The following GGH variants were observed in gnomAD, a reference collection of about 807,000 sequenced individuals.
GGH encodes the protein gamma-Glu-X carboxypeptidase.
In GGH, 18 loss-of-function variants were observed where a neutral mutation model predicts 39.2. The observed-to-expected ratio is 0.46, with a 90% CI of 0.32 to 0.68. GGH has a LOEUF of 0.68. Among genes scored for constraint, GGH ranks in the 30% least tolerant of loss-of-function variants. GGH has a pLI of 0.04. For missense variants in GGH, 367 were observed against 384.1 expected, an observed-to-expected ratio of 0.96 and a Z score of 0.37; for synonymous variants, 147 against 138.8, an observed-to-expected ratio of 1.06 and a Z score of -0.42.
intron 7 of GGH, 166 bp from the exon 8 acceptor site, chr8:63,017,796 GT>G (rs573635477): frequency 2.6e-4 from 131 of 511,474 alleles, no homozygotes; most frequent in Non-Finnish European, 4.1e-4. Flanking sequence ...CATAATCAAT[GT>G]GAAAATTCCC....
At position 63,024,091 on chromosome 8, in the gene GGH, G is replaced by A. The variant is rs763389022; in HGVS notation, c.595C>T (p.Leu199Phe). 3.8e-6 allele frequency: 6 copies of A among 1,596,572 alleles called. No individual in the cohort carries two copies. In the East Asian group the frequency reaches 1.3e-4, roughly 36 times the overall value. Residue 199 changes from leucine (L) to phenylalanine (F), a missense_variant, in exon 6 of 9, where the codon CTC (leucine) becomes TTC (phenylalanine). By Grantham distance (22) the Leu-to-Phe change is conservative. Transcript: ENST00000260118. The stretch of plus-strand genomic sequence containing the variant: ...AATTAGTGTGATACCTTCACGGAGA[G>A]GCTCCACTTATGGAAATTGGCAGTC... ...PLTANFHKWS[L>F]SVKNFTMNEK... is the part of the protein sequence containing the mutation.
At chr8:63,021,364 T>C (rs1274748642) in intron 7 of GGH, among the ~76,000 whole-genome samples, 3 of 152,244 alleles carry the variant, frequency 2.0e-5, no homozygotes, top group Admixed American at 6.5e-5. Flanking sequence ...TTCATTAAGA[T>C]ATTTTTTAAC....
chr8:63,027,160 T>C (rs759306005), intron 4 of GGH, 21 bp downstream of exon 4: 18 of 1,086,932 alleles, frequency 1.7e-5, no homozygotes, highest in Non-Finnish European at 2.1e-5. Context: ...TCTGGAATAA[T>C]AAGCAATAAC....
chr8:63,016,804 C>T (rs1023149336), intron 8 of GGH, among the ~76,000 whole-genome samples: 4 of 152,166 alleles, frequency 2.6e-5, no homozygotes, highest in African/African-American at 9.7e-5. Flanking sequence ...CATAACACAG[C>T]ATGAATATGT....
intron 1 of GGH, among the ~76,000 whole-genome samples, chr8:63,037,861 G>A (rs67742771): frequency 0.22 from 33,579 of 152,026 alleles, 3,857 homozygotes; most frequent in South Asian, 0.27. Flanking sequence ...CTACCTATAT[G>A]AAAAAACATT....
At chr8:63,029,458 T>A (rs1023925930) in intron 3 of GGH, among the ~76,000 whole-genome samples, 1 of 152,182 alleles carries the variant, frequency 6.6e-6, no homozygotes, top group Non-Finnish European at 1.5e-5. Flanking sequence ...GGGGTGACTG[T>A]CAGACAATAC....
In GGH at chr8:63,027,237, G is replaced by C; in HGVS notation, c.304C>G (p.Leu102Val). 1 of 1,596,946 alleles carries C rather than the reference G, an allele frequency of 6.3e-7. No homozygotes were observed. The highest frequency in any genetic ancestry group is 8.6e-7 in the Non-Finnish European group (1 of 1,164,726). Residue 102 changes from leucine to valine, a missense_variant, in exon 4 of 9, where the codon CTC becomes GTC. Leu to Val is a conservative substitution (Grantham distance 32). Transcript: ENST00000260118. Reference protein sequence around the residue: ...GILFPGGSVDLRRSDYAKVAK... With the variant: ...GILFPGGSVDVRRSDYAKVAK... ...ACTTTAGCATAATCTGAGCGTCTGA[G>C]GTCAACACTTCCTCCAGGGAAAAGG...
In GGH at chr8:63,033,319, G is replaced by C. The variant is rs138717108; in HGVS notation, c.224+2337C>G. Among the ~76,000 whole-genome samples the C allele has an allele frequency of 2.6e-5, 4 of 152,270 alleles. No homozygotes were observed. The East Asian group carries it at 7.7e-4, about 29-fold the overall frequency. The stretch of plus-strand genomic sequence containing the variant: ...CAATTTTTTGGATGAGTTTGAGAAG[G>C]ACTGGTATCAATTCTGCTTTAGATG... On this transcript the variant is annotated intron_variant, in intron 2 of 8. Transcript: ENST00000260118.
intron 8 of GGH, 78 bp downstream of exon 8, chr8:63,017,415 G>T (rs1220733237): frequency 7.0e-6 from 6 of 863,060 alleles, no homozygotes; most frequent in Non-Finnish European, 7.4e-6. Flanking sequence ...TAGAGCAAAA[G>T]GGTAGGCAAA....
chr8:63,030,947 T>C (rs1012253207), intron 2 of GGH, among the ~76,000 whole-genome samples: 1 of 152,212 alleles, frequency 6.6e-6, no homozygotes, highest in African/African-American at 2.4e-5. Flanking sequence ...GTCACAGATA[T>C]CTGCTCTCCC....
chr8:63,035,817 T>G (rs1804898284), intron 1 of GGH, 47 bp from the exon 2 acceptor site: 2 of 1,504,220 alleles, frequency 1.3e-6, no homozygotes, highest in African/African-American at 2.8e-5. Flanking sequence ...CTTTTCTTCT[T>G]GCTCAGAAAC....
intron 3 of GGH, among the ~76,000 whole-genome samples, chr8:63,029,519 T>C (rs1439014956): frequency 2.0e-5 from 3 of 152,174 alleles, no homozygotes; most frequent in Non-Finnish European, 4.4e-5. Flanking sequence ...AAGGTGGGAA[T>C]ATATTTATAA....
At chr8:63,036,071 C>G (rs1804902957) in intron 1 of GGH, among the ~76,000 whole-genome samples, 1 of 152,128 alleles carries the variant, frequency 6.6e-6, no homozygotes, top group Non-Finnish European at 1.5e-5. Context: ...GAATATAGAT[C>G]CTTAAATTTA....
chr8:63,019,585 AAGGGCAC>A (rs1362352463), intron 7 of GGH, among the ~76,000 whole-genome samples: 1 of 150,184 alleles, frequency 6.7e-6, no homozygotes, highest in Non-Finnish European at 1.5e-5. Context: ...TGAACTGGTC[AAGGGCAC>A]AGGTCATAAT....
chr8:63,038,616 C>G (rs1455847243), intron 1 of GGH, 44 bp downstream of exon 1: 6 of 1,101,978 alleles, frequency 5.4e-6, no homozygotes, highest in African/African-American at 1.6e-5. Flanking sequence ...AGCGCCAACA[C>G]CCAGCTCCTC....
intron 8 of GGH, chr8:63,017,188 CA>C (rs1352347361): frequency 1.2e-5 from 3 of 249,126 alleles, no homozygotes; most frequent in African/African-American, 7.0e-5. Flanking sequence ...AAGATCCTGT[CA>C]AAAAACAAAT....
Position 63,015,439 on chromosome 8 carries a change from G to A in GGH, c.850C>T (p.His284Tyr). ...TCTTCAGATTCAGATTTAAAATGATGGTTGTTTTTCCGAGCTGCAAGAAAA... is the reference window on the plus strand; with the variant it reads ...TCTTCAGATTCAGATTTAAAATGATAGTTGTTTTTCCGAGCTGCAAGAAAA... ...FFVNEARKNN[H>Y]HFKSESEEEK... Residue 284 changes from histidine (H) to tyrosine (Y), a missense_variant, in exon 9 of 9, where the codon CAT (histidine) becomes TAT (tyrosine). His to Tyr is a moderately conservative substitution (Grantham distance 83, BLOSUM62 2). Coordinates refer to ENST00000260118, the MANE Select transcript of GGH (RefSeq NM_003878.3). The A allele has an allele frequency of 6.5e-7, 1 of 1,541,304 alleles. No homozygotes were observed. Among genetic ancestry groups the A allele is most frequent in the African/African-American group, 1.4e-5 (1 of 72,674 alleles).
At position 63,035,788 on chromosome 8, in the gene GGH, T is replaced by G; in HGVS notation, c.110-18A>C. On this transcript the variant is annotated intron_variant, in intron 1 of 8. Coordinates refer to ENST00000260118, the MANE Select transcript of GGH (RefSeq NM_003878.3). ...TAATATTCCTAATAACAAAAAAAAG[T>G]TTAGTTTCAAGCAAATTCCTTTTCT... is the stretch of plus-strand genomic sequence containing the variant. The G allele has an allele frequency of 1.3e-6, 2 of 1,591,498 alleles. No homozygotes were observed. The highest frequency in any genetic ancestry group is 1.4e-5 in the African/African-American group (1 of 73,750).
At chr8:63,025,984 G>C (rs1804676937) in intron 5 of GGH, among the ~76,000 whole-genome samples, 174 bp downstream of exon 5, 1 of 152,152 alleles carries the variant, frequency 6.6e-6, no homozygotes, top group Admixed American at 6.5e-5. Flanking sequence ...TACAAGGATG[G>C]TCATTCACAT....
Sources: allele counts gnomAD v4.1 joint callset (sites outside exome capture counted in the v4.1 genomes callset), GRCh38; gene constraint gnomAD v4.1.1; transcripts MANE v1.5; gene names NCBI Gene and HGNC (gene_info 2026-07-23, HGNC 2026-07-21).